Variants in BICRAL observed in about 807,000 individuals in gnomAD.
BICRAL encodes the protein BICRA like chromatin remodeling complex associated protein, also known as BRD4-interacting chromatin-remodeling complex-associated protein-like.
In BICRAL, 8 loss-of-function variants were observed where a neutral mutation model predicts 91.8. That is an observed-to-expected ratio of 0.09 (90% CI 0.05 to 0.16). The LOEUF is 0.16. BICRAL is among the 10% of genes least tolerant of loss of function. BICRAL has a pLI of 1.00. For missense variants in BICRAL, 1,038 were observed against 1,310.9 expected (o/e 0.79, Z 3.21); for synonymous variants, 445 against 491.1 (o/e 0.91, Z 1.24).
chr6:42,822,863 AC>A lies in BICRAL; in HGVS notation c.90+21del. On this transcript the variant is annotated intron_variant, in intron 4 of 12. Transcript: ENST00000314073. ...TAAATCTGTAAGTAATGCATAGAAT[AC>A]CACAGACATCTATTTTGTTTCTGCT... The A allele has an allele frequency of 6.6e-7, 1 of 1,519,900 alleles. No individual in the cohort carries two copies. The highest frequency in any genetic ancestry group is 9.1e-7 in the Non-Finnish European group (1 of 1,094,292). The allele number at this position is 1,519,900 out of a possible 1,614,324, so 94.2% of individuals were successfully genotyped here.
chr6:42,827,721 C>A (rs1416011571), intron 5 of BICRAL, among the ~76,000 whole-genome samples: 2 of 151,646 alleles, frequency 1.3e-5, no homozygotes, highest in African/African-American at 4.8e-5. Context: ...CTCTAAAAAC[C>A]AAAAACAAAA....
At chr6:42,787,441 T>C (rs1763132197) in intron 1 of BICRAL, among the ~76,000 whole-genome samples, 1 of 151,982 alleles carries the variant, frequency 6.6e-6, no homozygotes, top group Non-Finnish European at 1.5e-5. Flanking sequence ...TGGCATGTCA[T>C]GGAACTGATT....
At chr6:42,862,477 G>A (rs749822248) in intron 11 of BICRAL, 33 bp from the exon 12 acceptor site, 1 of 1,358,056 alleles carries the variant, frequency 7.4e-7, no homozygotes, top group African/African-American at 1.4e-5. Flanking sequence ...TTTAAAAATT[G>A]TCTATGAAAT....
In BICRAL at chr6:42,857,196, G is replaced by T; in HGVS notation, c.2214G>T (p.Val738=). The stretch of plus-strand genomic sequence containing the variant: ...TACAGAGACTGCTCTCCTACCACGT[G>T]TGCCAGGGCTCCATGCCCACTGAAG... ...DAVQRLLSYH[V]CQGSMPTEED... Residue 738 remains valine, a synonymous_variant, in exon 10 of 13, where the codon GTG becomes GTT. Transcript: ENST00000314073. 6.2e-7 allele frequency: 1 copy of T among 1,613,772 alleles called. No homozygotes were observed. The highest frequency in any genetic ancestry group is 8.5e-7 in the Non-Finnish European group (1 of 1,179,844).
intron 1 of BICRAL, among the ~76,000 whole-genome samples, chr6:42,773,081 A>AT (rs201696990): frequency 0.022 from 3,196 of 144,460 alleles, 97 homozygotes; most frequent in African/African-American, 0.07. Flanking sequence ...GAGTGGAGCA[A>AT]TTTTTTTTTT....
At chr6:42,754,551 C>T (rs958719940) in intron 1 of BICRAL, among the ~76,000 whole-genome samples, 3 of 152,200 alleles carry the variant, frequency 2.0e-5, no homozygotes, top group African/African-American at 7.2e-5. Flanking sequence ...AATACTCTTA[C>T]TATGTGCAGT....
intron 1 of BICRAL, among the ~76,000 whole-genome samples, chr6:42,747,642 G>T (rs1308567295): frequency 6.6e-6 from 1 of 152,212 alleles, no homozygotes; most frequent in Admixed American, 6.5e-5. Context: ...GGGCGCGGGG[G>T]CAGGGGAGAG....
intron 1 of BICRAL, among the ~76,000 whole-genome samples, chr6:42,789,959 T>C (rs1763220098): frequency 6.6e-6 from 1 of 152,010 alleles, no homozygotes; most frequent in Admixed American, 6.6e-5. Flanking sequence ...CTAGGTAGAG[T>C]AGAATGATGG....
chr6:42,855,895 A>G lies in BICRAL; in HGVS notation c.2086A>G (p.Lys696Glu). Residue 696 changes from lysine to glutamate, a missense_variant, in exon 9 of 13, where the codon AAA (lysine) becomes GAA (glutamate). Transcript: ENST00000314073. ...HSGGQKRPAA[K>E]QLTKGAFILQ... is the part of the protein sequence containing the mutation. ...GGGAGGACAAAAAAGGCCTGCTGCG[A>G]AACAGCTAACGAAAGGAGCTTTGTG... 6.2e-7 allele frequency: 1 copy of G among 1,613,920 alleles called. No individual in the cohort carries two copies. Among genetic ancestry groups the G allele is most frequent in the Non-Finnish European group, 8.5e-7 (1 of 1,179,802 alleles).
chr6:42,782,883 GT>G (rs1342550988), intron 1 of BICRAL, among the ~76,000 whole-genome samples: 3 of 150,222 alleles, frequency 2.0e-5, no homozygotes, highest in Admixed American at 6.6e-5. Context: ...CCTCCCCTCT[GT>G]TTTCCCCCCC....
At position 42,762,379 on chromosome 6, in the gene BICRAL, T is replaced by C. The variant is rs150764666; in HGVS notation, c.-261+15356T>C. Among the ~76,000 whole-genome samples the C allele has an allele frequency of 1.4e-4, 22 of 152,352 alleles. No homozygotes were observed. In the East Asian group the frequency reaches 4.2e-3, roughly 29 times the overall value. Reference sequence around the variant, plus strand: ...AGATAAAGATATATAGTGATTTCAATGACAGTTTTAAAAACTTTTTTTAAA... The same window carrying C: ...AGATAAAGATATATAGTGATTTCAACGACAGTTTTAAAAACTTTTTTTAAA... On this transcript the variant is annotated intron_variant, in intron 1 of 14. Coordinates refer to the BICRAL transcript ENST00000614467.
intron 6 of BICRAL, among the ~76,000 whole-genome samples, chr6:42,835,043 A>G (rs572847108): frequency 3.0e-4 from 45 of 152,248 alleles, no homozygotes; most frequent in African/African-American, 1.0e-3. Context: ...GATAGTTCCA[A>G]TTCTAATCCA....
At chr6:42,763,137 C>G (rs183908634) in intron 1 of BICRAL, among the ~76,000 whole-genome samples, 3 of 152,240 alleles carry the variant, frequency 2.0e-5, no homozygotes, top group Non-Finnish European at 4.4e-5. Flanking sequence ...AACCCAATAA[C>G]CTGAATCATA....
intron 1 of BICRAL, among the ~76,000 whole-genome samples, chr6:42,788,173 G>T (rs1050488595): frequency 2.0e-4 from 31 of 151,412 alleles, no homozygotes; most frequent in African/African-American, 6.6e-4. Context: ...TAATAGAGAA[G>T]GTGAGACTAA....
At chr6:42,781,881 T>C (rs1328143862), upstream of BICRAL, 9 of 147,978 alleles carry the variant, frequency 6.1e-5, no homozygotes, top group Non-Finnish European at 1.3e-4. Context: ...GCGAGCGGTT[T>C]GCCCGGGCGC....
At chr6:42,839,780 A>T (rs1315211731) in intron 6 of BICRAL, among the ~76,000 whole-genome samples, 1 of 152,304 alleles carries the variant, frequency 6.6e-6, no homozygotes, top group East Asian at 1.9e-4. Flanking sequence ...AATTTGATCA[A>T]TGGAAGCCTG....
intron 2 of BICRAL, among the ~76,000 whole-genome samples, chr6:42,819,322 G>A (rs1764076347): frequency 6.6e-6 from 1 of 152,042 alleles, no homozygotes; most frequent in Non-Finnish European, 1.5e-5. Flanking sequence ...ATCTCTCTCT[G>A]TCACCCAGGC....
intron 1 of BICRAL, among the ~76,000 whole-genome samples, chr6:42,803,685 A>G (rs1194968522): frequency 6.6e-6 from 1 of 152,226 alleles, no homozygotes; most frequent in Non-Finnish European, 1.5e-5. Flanking sequence ...TCCAGTTTTC[A>G]TGGAACTTGT....
chr6:42,798,050 GA>G lies in BICRAL; in HGVS notation c.-101-12255del, dbSNP rs571621691. Reference sequence around the variant, plus strand: ...CATGCCCTTCGCAGAAACATGGATGGAGGCAGAGGTCATTATCCTAAGTGAA... The same window carrying G: ...CATGCCCTTCGCAGAAACATGGATGGGGCAGAGGTCATTATCCTAAGTGAA... On this transcript the variant is annotated intron_variant, in intron 1 of 12. Coordinates refer to ENST00000314073, the MANE Select transcript of BICRAL (RefSeq NM_001393499.1). 5.9e-5 allele frequency among the ~76,000 whole-genome samples: 9 copies of G among 152,276 alleles called. No individual in the cohort carries two copies. The East Asian group carries it at 1.7e-3, about 29-fold the overall frequency.
Sources: gnomAD v4.1 joint callset for allele counts (sites outside exome capture counted in the v4.1 genomes callset) on GRCh38, gnomAD v4.1.1 for gene constraint, MANE v1.5 for transcripts, NCBI Gene and HGNC (gene_info 2026-07-23, HGNC 2026-07-21) for gene names.